Variants in PRIM2 observed in about 807,000 individuals in gnomAD.
The protein encoded by PRIM2 is DNA primase large subunit.
A neutral mutation model predicts 67.3 loss-of-function variants in PRIM2; 39 were observed. The ratio of observed to expected loss-of-function variants is 0.58; its 90% confidence interval spans 0.45 to 0.76. The LOEUF (loss-of-function observed/expected upper bound fraction) is 0.76, where lower values mean the gene tolerates loss of function less well. Among genes scored for constraint, PRIM2 ranks in the 30% least tolerant of loss-of-function variants. PRIM2 has a pLI of 0.00. For synonymous variants in PRIM2, 143 were observed against 198.7 expected (o/e 0.72, Z 2.36); for missense variants, 398 against 598.7 (o/e 0.66, Z 3.50).
At chr6:57,266,661 T>C in the PRIM2 span, among the ~76,000 whole-genome samples, 1 of 152,230 alleles carries the variant, frequency 6.6e-6, no homozygotes, top group Non-Finnish European at 1.5e-5. Context: ...TTACCTGTCC[T>C]GATCTTCTAC....
At chr6:57,260,958 A>G in the PRIM2 span, among the ~76,000 whole-genome samples, 1 of 152,150 alleles carries the variant, frequency 6.6e-6, no homozygotes, top group Non-Finnish European at 1.5e-5. Context: ...GTGGACCAGA[A>G]CACTGGTGGT....
chr6:57,311,148 G>A (rs1376713938), upstream of PRIM2, among the ~76,000 whole-genome samples: 4 of 139,188 alleles, frequency 2.9e-5, no homozygotes, highest in Non-Finnish European at 6.1e-5. Flanking sequence ...CCGTGCAGAG[G>A]CGCCCCTCAC....
At chr6:57,409,636 T>C (rs1192701876) in intron 7 of PRIM2, among the ~76,000 whole-genome samples, 1 of 152,232 alleles carries the variant, frequency 6.6e-6, no homozygotes, top group South Asian at 2.1e-4. Flanking sequence ...CAAAAGTTGA[T>C]ATTGTCAGTT....
chr6:57,639,818 G>A (rs1777198400), intron 13 of PRIM2, among the ~76,000 whole-genome samples: 1 of 150,778 alleles, frequency 6.6e-6, no homozygotes, highest in African/African-American at 2.4e-5. Context: ...AAGCAGAGCC[G>A]GTACCATTCT....
intron 7 of PRIM2, among the ~76,000 whole-genome samples, chr6:57,489,259 AGT>A (rs1773822702): frequency 6.6e-6 from 1 of 152,264 alleles, no homozygotes; most frequent in Non-Finnish European, 1.5e-5. Flanking sequence ...GTGTTTTAAA[AGT>A]GTTAGATTAT....
At chr6:57,434,625 A>C (rs1329958635) in intron 7 of PRIM2, among the ~76,000 whole-genome samples, 1 of 152,044 alleles carries the variant, frequency 6.6e-6, no homozygotes, top group Non-Finnish European at 1.5e-5. Flanking sequence ...TAATTGAAGC[A>C]CATTTCTTTT....
chr6:57,476,042 T>C (rs1358050514), intron 7 of PRIM2, among the ~76,000 whole-genome samples: 1 of 152,134 alleles, frequency 6.6e-6, no homozygotes, highest in Non-Finnish European at 1.5e-5. Context: ...TTGTGTTTTT[T>C]TAAAAAAATC....
chr6:57,560,230 C>G (rs1775600740), intron 10 of PRIM2, among the ~76,000 whole-genome samples: 1 of 151,574 alleles, frequency 6.6e-6, no homozygotes, highest in Admixed American at 6.6e-5. Context: ...GAATAGAAAC[C>G]ACCTTCTTTG....
intron 5 of PRIM2, among the ~76,000 whole-genome samples, chr6:57,333,132 A>C (rs1468626682): frequency 3.3e-5 from 5 of 152,052 alleles, no homozygotes; most frequent in African/African-American, 1.2e-4. Flanking sequence ...TAGTGTACAA[A>C]CTTTTGTTCC....
chr6:57,425,197 G>A (rs1771582726), intron 7 of PRIM2, among the ~76,000 whole-genome samples: 1 of 151,914 alleles, frequency 6.6e-6, no homozygotes, highest in Non-Finnish European at 1.5e-5. Flanking sequence ...CAAATAATTA[G>A]GATTTATTTG....
At chr6:57,301,972 T>C in the PRIM2 span, among the ~76,000 whole-genome samples, 3 of 152,334 alleles carry the variant, frequency 2.0e-5, no homozygotes, top group East Asian at 5.8e-4. Flanking sequence ...ATGGCACTTA[T>C]TCAGGATAGG....
intron 1 of PRIM2, 118 bp from the exon 2 acceptor site, chr6:57,318,319 C>A: frequency 1.0e-6 from 1 of 975,818 alleles, no homozygotes; most frequent in Non-Finnish European, 1.5e-6. Context: ...ACATTTTGTG[C>A]ATGCCCTCAA....
At chr6:57,634,252 C>A (rs1777082639) in intron 13 of PRIM2, among the ~76,000 whole-genome samples, 4 of 152,164 alleles carry the variant, frequency 2.6e-5, no homozygotes, top group Admixed American at 1.3e-4. Flanking sequence ...GGTAGGGACT[C>A]TAACTTGCCT....
At chr6:57,268,382 A>C in the PRIM2 span, among the ~76,000 whole-genome samples, 2 of 152,192 alleles carry the variant, frequency 1.3e-5, no homozygotes, top group African/African-American at 4.8e-5. Context: ...CAAGATGTAA[A>C]GACTTCATAT....
At chr6:57,474,171 A>ATTTT (rs1773409106) in intron 7 of PRIM2, among the ~76,000 whole-genome samples, 2 of 113,164 alleles carry the variant, frequency 1.8e-5, no homozygotes, top group Admixed American at 1.1e-4. Flanking sequence ...CAATTCTGCT[A>ATTTT]TCTTTTTTTT....
chr6:57,352,221 T>G (rs1438752874), intron 5 of PRIM2, among the ~76,000 whole-genome samples: 1 of 152,174 alleles, frequency 6.6e-6, no homozygotes, highest in African/African-American at 2.4e-5. Context: ...CGTTTGAGTA[T>G]TTTTATTTAA....
intron 10 of PRIM2, among the ~76,000 whole-genome samples, chr6:57,546,023 A>T (rs1162144687): frequency 1.3e-5 from 2 of 152,206 alleles, no homozygotes; most frequent in Non-Finnish European, 2.9e-5. Context: ...GCCAACCAGG[A>T]TCCTGTCAGC....
intron 10 of PRIM2, among the ~76,000 whole-genome samples, chr6:57,576,422 A>G (rs1270123016): frequency 1.3e-5 from 2 of 152,138 alleles, no homozygotes; most frequent in African/African-American, 4.8e-5. Flanking sequence ...ACAGTGAAGT[A>G]CAGAAGTAAA....
chr6:57,324,693 T>C (rs1184426631), intron 4 of PRIM2, among the ~76,000 whole-genome samples: 1 of 152,200 alleles, frequency 6.6e-6, no homozygotes, highest in African/African-American at 2.4e-5. Flanking sequence ...ATCGAAGATA[T>C]TTTTGTTTGG....
Sources: gnomAD v4.1 joint callset for allele counts (sites outside exome capture counted in the v4.1 genomes callset) on GRCh38, gnomAD v4.1.1 for gene constraint, MANE v1.5 for transcripts, NCBI Gene and HGNC (gene_info 2026-07-23, HGNC 2026-07-21) for gene names.